The following NDST3 variants were observed in gnomAD, a reference collection of about 807,000 sequenced individuals.
NDST3 encodes bifunctional heparan sulfate N-deacetylase/N-sulfotransferase 3.
In NDST3, 58 loss-of-function variants were observed where a neutral mutation model predicts 96.1. The observed-to-expected ratio is 0.60, with a 90% confidence interval of 0.49 to 0.75. NDST3 has a LOEUF of 0.75. Ranked by LOEUF, NDST3 falls within the 30% of genes least tolerant of loss-of-function variation. The probability of loss-of-function intolerance (pLI) is 0.00; values close to 1 mark genes in which losing one functional copy is unlikely to be tolerated. For missense variants in NDST3, 788 were observed against 1,034.2 expected (o/e 0.76, Z 3.27); for synonymous variants, 333 against 359.7 (o/e 0.93, Z 0.84).
chr4:118,063,720 A>G (rs893364454), intron 2 of NDST3, among the ~76,000 whole-genome samples: 4 of 152,288 alleles, frequency 2.6e-5, no homozygotes, highest in African/African-American at 7.2e-5. Flanking sequence ...CCTATAAAAC[A>G]AAGATTATAA....
chr4:118,035,445 T>TG (rs962471640), intron 1 of NDST3, among the ~76,000 whole-genome samples: 21 of 151,482 alleles, frequency 1.4e-4, no homozygotes, highest in African/African-American at 4.6e-4. Flanking sequence ...TTTTGTTTTT[T>TG]TTTTTTGCCC....
At chr4:118,163,428 A>C (rs1455037193) in intron 6 of NDST3, among the ~76,000 whole-genome samples, 2 of 152,134 alleles carry the variant, frequency 1.3e-5, no homozygotes, top group Non-Finnish European at 2.9e-5. Context: ...GCCATAAAAA[A>C]TGATGAGTTC....
At chr4:118,161,660 G>A (rs1735148184) in intron 6 of NDST3, among the ~76,000 whole-genome samples, 1 of 152,192 alleles carries the variant, frequency 6.6e-6, no homozygotes, top group Admixed American at 6.5e-5. Context: ...CTCCATGGGT[G>A]TAGGACCCTC....
At chr4:118,035,825 A>C (rs187664766) in intron 1 of NDST3, among the ~76,000 whole-genome samples, 9 of 152,022 alleles carry the variant, frequency 5.9e-5, no homozygotes, top group Non-Finnish European at 1.2e-4. Context: ...TGAGCTTGTC[A>C]CATGAGTTAA....
intron 5 of NDST3, among the ~76,000 whole-genome samples, chr4:118,139,011 A>G (rs1219592709): frequency 6.6e-6 from 1 of 152,204 alleles, no homozygotes; most frequent in Non-Finnish European, 1.5e-5. Flanking sequence ...TTGAACTGAT[A>G]TGTCTGAAGA....
At chr4:118,115,033 C>A in intron 4 of NDST3, 73 bp downstream of exon 4, 1 of 1,493,148 alleles carries the variant, frequency 6.7e-7, no homozygotes, top group South Asian at 1.2e-5. Context: ...TACATTGTGG[C>A]ATAGTTGCGC....
intron 2 of NDST3, among the ~76,000 whole-genome samples, chr4:118,062,956 C>T (rs967010414): frequency 2.0e-5 from 3 of 151,870 alleles, no homozygotes; most frequent in Non-Finnish European, 4.4e-5. Flanking sequence ...TTTGGGAGGC[C>T]GAGGTGGTCA....
intron 3 of NDST3, among the ~76,000 whole-genome samples, chr4:118,113,293 T>C (rs990286445): frequency 1.3e-5 from 2 of 152,316 alleles, no homozygotes; most frequent in East Asian, 1.9e-4. Flanking sequence ...GTAACATAAG[T>C]GTATATGAAG....
At chr4:118,037,512 C>A (rs971047936) in intron 1 of NDST3, among the ~76,000 whole-genome samples, 1 of 152,146 alleles carries the variant, frequency 6.6e-6, no homozygotes, top group Non-Finnish European at 1.5e-5. Flanking sequence ...TTCCTTTAAC[C>A]GTTATACTAC....
chr4:118,157,652 G>C (rs1306660398), intron 6 of NDST3, among the ~76,000 whole-genome samples: 2 of 152,036 alleles, frequency 1.3e-5, no homozygotes, highest in Non-Finnish European at 2.9e-5. Flanking sequence ...TCGATCTCCT[G>C]ACCTCATGAT....
chr4:118,161,666 C>A (rs555343108), intron 6 of NDST3, among the ~76,000 whole-genome samples: 3 of 152,278 alleles, frequency 2.0e-5, no homozygotes, highest in Middle Eastern at 6.8e-3. Flanking sequence ...GGGTGTAGGA[C>A]CCTCCGAGCC....
chr4:118,140,303 C>T (rs1452690256), intron 5 of NDST3, among the ~76,000 whole-genome samples: 1 of 152,116 alleles, frequency 6.6e-6, no homozygotes, highest in African/African-American at 2.4e-5. Flanking sequence ...AACTCAATAC[C>T]TAACTCATAC....
At chr4:118,117,969 T>C (rs1731255172) in intron 4 of NDST3, among the ~76,000 whole-genome samples, 1 of 152,146 alleles carries the variant, frequency 6.6e-6, no homozygotes, top group African/African-American at 2.4e-5. Context: ...AGTTCCCTAA[T>C]ATAGGCAGAG....
At chr4:118,104,910 C>A in intron 2 of NDST3, 108 bp from the exon 3 acceptor site, 2 of 746,576 alleles carry the variant, frequency 2.7e-6, no homozygotes, top group Non-Finnish European at 2.2e-6. Flanking sequence ...TTAATTCTCA[C>A]ATGTATAAGG....
intron 6 of NDST3, among the ~76,000 whole-genome samples, chr4:118,158,089 G>A (rs1321489527): frequency 1.3e-5 from 2 of 152,100 alleles, no homozygotes; most frequent in Non-Finnish European, 2.9e-5. Flanking sequence ...TGGAAAGAAG[G>A]ATAATAAGAG....
At chr4:118,237,261 G>A (rs368931283) in intron 10 of NDST3, 41 bp downstream of exon 10, 219 of 1,532,452 alleles carry the variant, frequency 1.4e-4, no homozygotes, top group Non-Finnish European at 1.8e-4. Context: ...GAGAAGTGGA[G>A]TATGGACAAT....
At chr4:118,251,326 CTG>C (rs937373865) in intron 12 of NDST3, among the ~76,000 whole-genome samples, 1 of 151,588 alleles carries the variant, frequency 6.6e-6, no homozygotes, top group Non-Finnish European at 1.5e-5. Flanking sequence ...TGGGGTTTCA[CTG>C]TGTTAGCCAG....
At chr4:118,142,412 C>T (rs982141477) in intron 5 of NDST3, among the ~76,000 whole-genome samples, 15 of 149,210 alleles carry the variant, frequency 1.0e-4, no homozygotes, top group South Asian at 2.1e-4. Context: ...AAGGGCTAGA[C>T]GAAAATTTAT....
intron 6 of NDST3, among the ~76,000 whole-genome samples, chr4:118,188,442 C>T (rs1484739011): frequency 1.3e-5 from 2 of 151,844 alleles, no homozygotes; most frequent in Non-Finnish European, 2.9e-5. Context: ...CTAAGTTCTC[C>T]CTGAGTCCAC....
Sources: allele counts gnomAD v4.1 joint callset (sites outside exome capture counted in the v4.1 genomes callset), GRCh38; gene constraint gnomAD v4.1.1; transcripts MANE v1.5; gene names NCBI Gene and HGNC (gene_info 2026-07-23, HGNC 2026-07-21).